The following TMPRSS15 variants were observed in gnomAD, a reference collection of about 807,000 sequenced individuals.
TMPRSS15 encodes enteropeptidase.
A neutral mutation model predicts 125.3 loss-of-function variants in TMPRSS15; 128 were observed. The ratio of observed to expected loss-of-function variants is 1.02; its 90% CI spans 0.89 to 1.18. TMPRSS15 has a LOEUF of 1.18. Among genes scored for constraint, TMPRSS15 ranks in the 50% most tolerant of loss-of-function variants. TMPRSS15 has a pLI of 0.00. For synonymous variants in TMPRSS15, 446 were observed against 423.2 expected, an observed-to-expected ratio of 1.05 and a Z score of -0.66; for missense variants, 1,283 against 1,212.7, an observed-to-expected ratio of 1.06 and a Z score of -0.86.
chr21:18,279,298 T>C (rs921553403), intron 22 of TMPRSS15, among the ~76,000 whole-genome samples: 8 of 145,352 alleles, frequency 5.5e-5, no homozygotes, highest in Non-Finnish European at 1.1e-4. Context: ...CTTTTACTAG[T>C]CTCCTCGTTA....
intron 18 of TMPRSS15, among the ~76,000 whole-genome samples, chr21:18,310,667 C>A (rs949128685): frequency 6.6e-6 from 1 of 151,860 alleles, no homozygotes; most frequent in Admixed American, 6.6e-5. Context: ...TTAATGCAAT[C>A]CCTATCAAAA....
chr21:18,286,445 CA>C lies in TMPRSS15; in HGVS notation c.2487-5225del, dbSNP rs2074766177. On this transcript the variant is annotated intron_variant, in intron 21 of 24. Coordinates refer to ENST00000284885, the MANE Select transcript of TMPRSS15 (RefSeq NM_002772.3). ...GATACCAACTTGGATGTCTAATAGG[CA>C]GTCCCAAGCTTAATATATAAAAATC... 2.6e-5 allele frequency among the ~76,000 whole-genome samples: 4 copies of C among 152,190 alleles called. No individual in the cohort carries two copies. In the South Asian group the frequency reaches 8.3e-4, roughly 32 times the overall value.
At chr21:18,289,368 C>T (rs984144757) in intron 21 of TMPRSS15, among the ~76,000 whole-genome samples, 8 of 152,048 alleles carry the variant, frequency 5.3e-5, no homozygotes, top group Middle Eastern at 3.2e-3. Context: ...CAAAAGTAGC[C>T]GGGTGTGGTG....
In TMPRSS15 at chr21:18,279,003, T is replaced by A. The variant is rs371964214; in HGVS notation, c.2725A>T (p.Asn909Tyr). ...EENQVFPPGR[N>Y]CSIAGWGTVV... is the part of the protein sequence containing the mutation. Reference sequence around the variant, plus strand: ...GTCCCCCAACCAGCAATAGAACAATTTCTTCCTGGAGGAAAAACTTGATTT... The same window carrying A: ...GTCCCCCAACCAGCAATAGAACAATATCTTCCTGGAGGAAAAACTTGATTT... The change falls in exon 23 of 25, where the codon AAT becomes TAT. Residue 909 changes from asparagine to tyrosine, a missense_variant. Transcript: ENST00000284885. 3.2e-5 allele frequency: 51 copies of A among 1,589,240 alleles called. No homozygotes were observed. The highest frequency in any genetic ancestry group is 4.3e-5 in the Non-Finnish European group (50 of 1,164,826).
At position 18,315,140 on chromosome 21, in the gene TMPRSS15, A is replaced by G; in HGVS notation, c.2032+6T>C. On this transcript the variant is annotated splice_donor_region_variant and intron_variant, in intron 17 of 24. Coordinates refer to ENST00000284885, the MANE Select transcript of TMPRSS15 (RefSeq NM_002772.3). ...ATAAAAGTATTTTCCTAAAAATAAG[A>G]CATACCACAATCTGCTTCATCTGAG... 6.2e-7 allele frequency: 1 copy of G among 1,607,432 alleles called. No homozygotes were observed. Among genetic ancestry groups the G allele is most frequent in the Non-Finnish European group, 8.5e-7 (1 of 1,174,790 alleles).
Position 18,353,752 on chromosome 21 carries a change from T to A in TMPRSS15, c.992A>T (p.Tyr331Phe). 4 of 1,611,616 alleles carry A rather than the reference T, an allele frequency of 2.5e-6. No individual in the cohort carries two copies. Among genetic ancestry groups the A allele is most frequent in the Non-Finnish European group, 2.5e-6 (3 of 1,178,362 alleles). The change falls in exon 9 of 25, where the codon TAT becomes TTT. Residue 331 changes from tyrosine to phenylalanine, a missense_variant. By Grantham distance (22) the Tyr-to-Phe change is conservative. Coordinates refer to ENST00000284885, the MANE Select transcript of TMPRSS15 (RefSeq NM_002772.3). ...AAGCTCACTGCTGTTAAATGCAGTA[T>A]ATGTTGCATTAAAGCCAACATAATC... is the stretch of plus-strand genomic sequence containing the variant. ...ESDYVGFNATYTAFNSSELNN... is the reference protein window; with the variant it reads ...ESDYVGFNATFTAFNSSELNN...
intron 1 of TMPRSS15, among the ~76,000 whole-genome samples, chr21:18,409,530 T>C (rs2076160173): frequency 6.6e-6 from 1 of 152,106 alleles, no homozygotes; most frequent in Admixed American, 6.6e-5. Context: ...ATTATATCTG[T>C]ATCTCTCTCA....
chr21:18,384,710 G>A (rs751882859), intron 3 of TMPRSS15, among the ~76,000 whole-genome samples: 4 of 151,964 alleles, frequency 2.6e-5, no homozygotes, highest in African/African-American at 7.3e-5. Context: ...AGGCACTCAC[G>A]GTATACTTGG....
upstream of TMPRSS15, among the ~76,000 whole-genome samples, chr21:18,408,578 A>G (rs2076158249): frequency 6.6e-6 from 1 of 152,064 alleles, no homozygotes; most frequent in African/African-American, 2.4e-5. Context: ...AAGACTGGTA[A>G]TTATTTCTTT....
chr21:18,391,428 CA>C (rs2075989406), intron 3 of TMPRSS15, among the ~76,000 whole-genome samples: 1 of 152,224 alleles, frequency 6.6e-6, no homozygotes, highest in South Asian at 2.1e-4. Flanking sequence ...AGGCCCCATG[CA>C]ACTCCAAAAT....
At chr21:18,349,872 A>G (rs2075547007) in intron 10 of TMPRSS15, among the ~76,000 whole-genome samples, 1 of 152,174 alleles carries the variant, frequency 6.6e-6, no homozygotes. Context: ...GGCAAGCCGA[A>G]AACATTTTCC....
At chr21:18,404,257 T>C (rs924405311), upstream of TMPRSS15, among the ~76,000 whole-genome samples, 1 of 152,224 alleles carries the variant, frequency 6.6e-6, no homozygotes, top group Non-Finnish European at 1.5e-5. Flanking sequence ...AGTTATGCAA[T>C]GTAAGGCAGT....
At chr21:18,484,154 G>T (rs149059910) in intron 1 of TMPRSS15, among the ~76,000 whole-genome samples, 1 of 151,802 alleles carries the variant, frequency 6.6e-6, no homozygotes, top group East Asian at 1.9e-4. Context: ...GAATGTATTT[G>T]CTTTCTGGTG....
intron 10 of TMPRSS15, among the ~76,000 whole-genome samples, chr21:18,347,063 C>T (rs1440933693): frequency 6.6e-6 from 1 of 152,074 alleles, no homozygotes; most frequent in East Asian, 1.9e-4. Context: ...CTTTTACCTC[C>T]TTCCACTTCC....
intron 1 of TMPRSS15, among the ~76,000 whole-genome samples, chr21:18,473,450 C>T (rs190847089): frequency 6.6e-6 from 1 of 151,974 alleles, no homozygotes; most frequent in Admixed American, 6.6e-5. Context: ...CAAAAAAGAA[C>T]CTCATAATAT....
At chr21:18,424,843 G>A (rs2076199263) in intron 1 of TMPRSS15, among the ~76,000 whole-genome samples, 1 of 149,626 alleles carries the variant, frequency 6.7e-6, no homozygotes, top group South Asian at 2.1e-4. Flanking sequence ...AAATATAGCA[G>A]TAGAAAGAAT....
In TMPRSS15 at chr21:18,403,573, T is replaced by C. The variant is rs1002563490; in HGVS notation, c.50A>G (p.Tyr17Cys). 18 of 1,614,176 alleles carry C rather than the reference T, an allele frequency of 1.1e-5. No homozygotes were observed. The highest frequency in any genetic ancestry group is 1.5e-5 in the Non-Finnish European group (18 of 1,180,016). Residue 17 changes from tyrosine to cysteine, a missense_variant, in exon 1 of 25, where the codon TAT becomes TGT. Physicochemically the swap from Tyr to Cys is radical, Grantham distance 194. Transcript: ENST00000284885. ...AAAGAGAGCTGCAAACATGATTTCA[T>C]AGGAGCTGAGAGAATGATGCCTAGA... ...ISSRHHSLSS[Y>C]EIMFAALFAI... is the part of the protein sequence containing the mutation.
At chr21:18,275,146 A>C (rs942238801) in intron 24 of TMPRSS15, 51 bp downstream of exon 24, 1 of 1,597,718 alleles carries the variant, frequency 6.3e-7, no homozygotes, top group African/African-American at 1.3e-5. Flanking sequence ...TGAAATAACT[A>C]TAACACCAGT....
chr21:18,421,313 G>A (rs1346926017), intron 1 of TMPRSS15, among the ~76,000 whole-genome samples: 1 of 152,134 alleles, frequency 6.6e-6, no homozygotes, highest in South Asian at 2.1e-4. Context: ...TTGCATAGAG[G>A]TTGAAAGTAT....
Sources: gnomAD v4.1 joint callset for allele counts (sites outside exome capture counted in the v4.1 genomes callset) on GRCh38, gnomAD v4.1.1 for gene constraint, MANE v1.5 for transcripts, NCBI Gene and HGNC (gene_info 2026-07-23, HGNC 2026-07-21) for gene names.